CALN1: variants seen among roughly 807,000 people sequenced by gnomAD.
CALN1 encodes calneuron 1, also known as calcium-binding protein 8.
A neutral mutation model predicts 30.6 loss-of-function variants in CALN1; 17 were observed. The ratio of observed to expected loss-of-function variants is 0.56; its 90% CI spans 0.38 to 0.83. CALN1 has a LOEUF of 0.83. CALN1 is among the 40% of genes least tolerant of loss of function. The probability of loss-of-function intolerance (pLI) is 0.00; values close to 1 mark genes in which losing one functional copy is unlikely to be tolerated. For missense variants in CALN1, 291 were observed against 354.9 expected (o/e 0.82, Z 1.45); for synonymous variants, 156 against 131.4 (o/e 1.19, Z -1.28).
chr7:72,441,361 G>A (rs1446554915), intron 1 of CALN1, among the ~76,000 whole-genome samples: 1 of 152,036 alleles, frequency 6.6e-6, no homozygotes, highest in Admixed American at 6.6e-5. Context: ...ACTTTGGGAA[G>A]CCCAGATAGG....
chr7:72,254,741 A>G (rs999103577), intron 3 of CALN1, among the ~76,000 whole-genome samples: 8 of 151,910 alleles, frequency 5.3e-5, no homozygotes, highest in African/African-American at 1.9e-4. Context: ...TTCACATCTT[A>G]GCTCACTTAC....
intron 2 of CALN1, among the ~76,000 whole-genome samples, chr7:72,370,341 CTTA>C (rs988820879): frequency 1.4e-4 from 22 of 151,958 alleles, no homozygotes; most frequent in Non-Finnish European, 2.8e-4. Context: ...AGTCTGTTTC[CTTA>C]TTATTAAATT....
At chr7:71,799,409 C>CT in intron 6 of CALN1, among the ~76,000 whole-genome samples, 1 of 150,274 alleles carries the variant, frequency 6.7e-6, no homozygotes, top group East Asian at 2.0e-4. Flanking sequence ...CACAAAACAG[C>CT]TCTCTGGGTC....
chr7:72,096,671 G>T (rs1299392713), intron 4 of CALN1, among the ~76,000 whole-genome samples: 1 of 152,212 alleles, frequency 6.6e-6, no homozygotes, highest in Non-Finnish European at 1.5e-5. Flanking sequence ...ACCTAGTAGT[G>T]TGGTTGTGGA....
chr7:72,409,905 A>G (rs1296164277), intron 1 of CALN1, among the ~76,000 whole-genome samples: 3 of 152,164 alleles, frequency 2.0e-5, no homozygotes, highest in Non-Finnish European at 2.9e-5. Context: ...GTTGAGGGCC[A>G]CATTATAATC....
intron 4 of CALN1, among the ~76,000 whole-genome samples, chr7:72,091,285 C>G (rs190695760): frequency 8.3e-4 from 127 of 152,292 alleles, no homozygotes; most frequent in East Asian, 7.0e-3. Flanking sequence ...GAGTCAAGAT[C>G]TCACCATTGC....
intron 3 of CALN1, among the ~76,000 whole-genome samples, chr7:72,248,439 T>C (rs528133375): frequency 6.6e-6 from 1 of 152,286 alleles, no homozygotes; most frequent in South Asian, 2.1e-4. Context: ...CTGCATTCCT[T>C]GGCTCATGGC....
chr7:71,965,753 A>G (rs936139507), intron 5 of CALN1, among the ~76,000 whole-genome samples: 1 of 152,220 alleles, frequency 6.6e-6, no homozygotes, highest in Non-Finnish European at 1.5e-5. Context: ...ACCACTTAAA[A>G]TATTTCACAA....
intron 4 of CALN1, among the ~76,000 whole-genome samples, chr7:72,062,449 T>C (rs1232422485): frequency 1.4e-5 from 2 of 148,002 alleles, no homozygotes; most frequent in Non-Finnish European, 3.0e-5. Flanking sequence ...GAAGTGGAGG[T>C]TGCAGTGAGC....
intron 5 of CALN1, among the ~76,000 whole-genome samples, chr7:71,864,523 C>A (rs545270695): frequency 6.6e-6 from 1 of 152,164 alleles, no homozygotes; most frequent in Non-Finnish European, 1.5e-5. Context: ...TTAGAACGAA[C>A]CTGGACTAGA....
chr7:72,481,641 T>A, the CALN1 span, among the ~76,000 whole-genome samples: 1 of 152,204 alleles, frequency 6.6e-6, no homozygotes, highest in African/African-American at 2.4e-5. Flanking sequence ...ATGCAACACA[T>A]TTTGATGTTG....
chr7:72,400,029 C>T (rs781011654), intron 2 of CALN1, among the ~76,000 whole-genome samples: 7 of 152,198 alleles, frequency 4.6e-5, no homozygotes, highest in Non-Finnish European at 8.8e-5. Flanking sequence ...TCAGCAGAAG[C>T]AGATTAGGCC....
chr7:71,979,444 G>T (rs746158503), intron 5 of CALN1, among the ~76,000 whole-genome samples: 6 of 152,028 alleles, frequency 3.9e-5, no homozygotes, highest in South Asian at 2.1e-4. Flanking sequence ...CATAAGGAGC[G>T]TGCAACCTAG....
intron 2 of CALN1, among the ~76,000 whole-genome samples, chr7:72,398,631 G>C (rs898825766): frequency 3.9e-5 from 6 of 152,200 alleles, no homozygotes; most frequent in African/African-American, 1.2e-4. Context: ...CATCATGGAT[G>C]AGTCAGCTCT....
intron 5 of CALN1, among the ~76,000 whole-genome samples, chr7:72,015,641 G>A (rs757966347): frequency 1.3e-5 from 2 of 151,966 alleles, no homozygotes; most frequent in African/African-American, 2.4e-5. Flanking sequence ...ATGGGGTTTT[G>A]CTATGTTGCC....
upstream of CALN1, among the ~76,000 whole-genome samples, chr7:72,416,760 A>T (rs1368995247): frequency 6.8e-6 from 1 of 148,084 alleles, no homozygotes; most frequent in Admixed American, 6.7e-5. Flanking sequence ...AAAAAAAAAA[A>T]ACAAATAACA....
intron 5 of CALN1, among the ~76,000 whole-genome samples, chr7:71,962,172 C>A (rs546549635): frequency 2.0e-5 from 3 of 151,550 alleles, no homozygotes; most frequent in Admixed American, 1.3e-4. Flanking sequence ...GCTGGAGGAT[C>A]ACTTGAGGCC....
chr7:72,096,044 G>GATAGATAA (rs1301948187), intron 4 of CALN1, among the ~76,000 whole-genome samples: 2 of 116,470 alleles, frequency 1.7e-5, no homozygotes, highest in African/African-American at 6.1e-5. Context: ...GTCTCTAAAA[G>GATAGATAA]ATAGATAGAT....
intron 4 of CALN1, among the ~76,000 whole-genome samples, chr7:72,081,321 T>C (rs1337040454): frequency 2.6e-5 from 4 of 151,168 alleles, no homozygotes; most frequent in African/African-American, 9.7e-5. Context: ...GAAATTCAAT[T>C]ACGGTTAGAA....
Sources: allele counts gnomAD v4.1 joint callset (sites outside exome capture counted in the v4.1 genomes callset), GRCh38; gene constraint gnomAD v4.1.1; transcripts MANE v1.5; gene names NCBI Gene and HGNC (gene_info 2026-07-23, HGNC 2026-07-21).